The following CADM4 variants were observed in gnomAD, a reference collection of about 807,000 sequenced individuals.
CADM4 encodes TSLC1-like 2.
CADM4 carries 13 observed loss-of-function variants against 43.9 expected under a neutral mutation model. That is an observed-to-expected ratio of 0.30 (90% confidence interval 0.19 to 0.47). The LOEUF (loss-of-function observed/expected upper bound fraction) is 0.47, where lower values mean the gene tolerates loss of function less well. Ranked by LOEUF, CADM4 falls within the 20% of genes least tolerant of loss-of-function variation. The pLI is 1.00. For missense variants in CADM4, 420 were observed against 527.0 expected (o/e 0.80, Z 1.99); for synonymous variants, 209 against 220.9 (o/e 0.95, Z 0.48).
Position 43,623,980 on chromosome 19 carries a change from TC to T in CADM4, c.1057+133del, listed in dbSNP as rs1973481656. 4.5e-6 allele frequency: 5 copies of T among 1,105,844 alleles called. No homozygotes were observed. In the East Asian group the frequency reaches 9.7e-5, roughly 21 times the overall value. The allele number at this position is 1,105,844 out of a possible 1,614,324, so 68.5% of individuals were successfully genotyped here. The stretch of plus-strand genomic sequence containing the variant: ...GCCGAAAGCCCCGCCCCCTTTGTCA[TC>T]TCCGCCCCCGGTGCGGCGGGATTTG... On this transcript the variant is annotated intron_variant, in intron 8 of 8. Coordinates refer to ENST00000222374, the MANE Select transcript of CADM4 (RefSeq NM_145296.2). The surrounding 1 kb of genome is among the most constrained non-coding windows in gnomAD (Gnocchi z 4.4).
chr19:43,639,586 CGCTGCGCTTTGT>C, intron 1 of CADM4, 129 bp downstream of exon 1: 1 of 446,756 alleles, frequency 2.2e-6, no homozygotes, highest in Non-Finnish European at 2.9e-6. Flanking sequence ...TCCCGGCCCG[CGCTGCGCTTTGT>C]CCCGGGGAGG....
intron 7 of CADM4, 135 bp from the exon 8 acceptor site, chr19:43,624,377 T>A: frequency 9.5e-7 from 1 of 1,049,506 alleles, no homozygotes. Context: ...CAAAAATTAC[T>A]GCCACCTTGT....
In CADM4 at chr19:43,624,118, C is replaced by T; in HGVS notation, c.1053G>A (p.Gln351=). Residue 351 remains glutamine (Q), a synonymous_variant, in exon 8 of 9, where the codon CAG becomes CAA. Coordinates refer to ENST00000222374, the MANE Select transcript of CADM4 (RefSeq NM_145296.2). ...LVGMVWCSVR[Q]KGSYLTHEAS... ...TCCAGGCCCCGTCCCACTCACCCTT[C>T]TGCCGTACCGAGCACCAGACCATGC... 1 of 1,614,220 alleles carries T rather than the reference C, an allele frequency of 6.2e-7. No individual in the cohort carries two copies. The highest frequency in any genetic ancestry group is 8.5e-7 in the Non-Finnish European group (1 of 1,180,038).
chr19:43,635,876 GACTCAGGAGTCTAAGACCCCAGC>G (rs1973696996), intron 1 of CADM4, among the ~76,000 whole-genome samples: 1 of 110,308 alleles, frequency 9.1e-6, no homozygotes, highest in Non-Finnish European at 1.8e-5. Flanking sequence ...TCCTCCCTCA[GACTCAGGAGTCTAAGACCCCAGC>G]CCCCTCCTCC....
At position 43,623,462 on chromosome 19, in the gene CADM4, G is replaced by A; in HGVS notation, c.1058-23C>T. ...AACCTGAGGGGGTGACAGACCCCCG[G>A]GGCAGGGGGGACATATTTGTGGATC... is the stretch of plus-strand genomic sequence containing the variant. On this transcript the variant is annotated intron_variant, in intron 8 of 8. Transcript: ENST00000222374. This position sits in a 1 kb window ranked among gnomAD's most constrained non-coding sequence, Gnocchi z 4.4. 4.9e-6 allele frequency: 7 copies of A among 1,434,788 alleles called. No homozygotes were observed. Among genetic ancestry groups the A allele is most frequent in the Non-Finnish European group, 5.9e-6 (6 of 1,016,676 alleles). 88.9% of individuals were successfully genotyped at this position (1,434,788 alleles called of 1,614,324 possible).
intron 1 of CADM4, among the ~76,000 whole-genome samples, chr19:43,633,731 A>G (rs1973662159): frequency 2.0e-5 from 3 of 150,470 alleles, no homozygotes; most frequent in Admixed American, 2.0e-4. Context: ...CCCAGGCTAG[A>G]GTGCAGTGGT....
rs750998619 is a variant in CADM4, at chr19:43,626,272, C to G, written c.516G>C (p.Gln172His). Reference protein sequence around the residue: ...RKELKGVSSSQENGKVWSVAS... With the variant: ...RKELKGVSSSHENGKVWSVAS... ...CCACGCTCCAGACCTTGCCATTTTC[C>G]TGGCTGCTGCTCACTCCTGCCACAC... Residue 172 changes from glutamine (Q) to histidine (H), a missense_variant, in exon 5 of 9, where the codon CAG becomes CAC. Transcript: ENST00000222374. This position sits in a 1 kb window ranked among gnomAD's most constrained non-coding sequence, Gnocchi z 5.9. 3 of 1,611,620 alleles carry G rather than the reference C, an allele frequency of 1.9e-6. No individual in the cohort carries two copies. The highest frequency in any genetic ancestry group is 2.5e-6 in the Non-Finnish European group (3 of 1,180,000).
rs377002158 is a variant in CADM4, at chr19:43,625,238, G to T, written c.768C>A (p.Ile256=). ...AAGACTCATTCCCGCGGTTCCAGCG[G>T]ATCTGGTTTGGCCTGGGTGGGGATA... The part of the protein sequence containing the change: ...AVTGNPRPNQ[I]RWNRGNESLP... The change falls in exon 7 of 9, where the codon ATC becomes ATA. Residue 256 remains isoleucine (I), a synonymous_variant. Coordinates refer to ENST00000222374, the MANE Select transcript of CADM4 (RefSeq NM_145296.2). The surrounding 1 kb of genome is among the most constrained non-coding windows in gnomAD (Gnocchi z 4.5). 6.2e-7 allele frequency: 1 copy of T among 1,614,058 alleles called. No individual in the cohort carries two copies.
intron 1 of CADM4, among the ~76,000 whole-genome samples, chr19:43,632,348 C>T (rs1470872747): frequency 1.3e-5 from 2 of 152,188 alleles, no homozygotes; most frequent in Non-Finnish European, 2.9e-5. Context: ...AAAGCCTACT[C>T]GTGGGTCTGT....
rs1173938602 is a variant in CADM4 at position 43,627,934 on chromosome 19, T to TAGA, written c.65-147_65-145dup. 1 of 809,440 alleles carries TAGA rather than the reference T, an allele frequency of 1.2e-6. No individual in the cohort carries two copies. Among genetic ancestry groups the TAGA allele is most frequent in the Admixed American group, 2.5e-5 (1 of 39,336 alleles). The allele number at this position is 809,440 out of a possible 1,614,324, so 50.1% of individuals were successfully genotyped here. On this transcript the variant is annotated intron_variant, in intron 1 of 8. Coordinates refer to ENST00000222374, the MANE Select transcript of CADM4 (RefSeq NM_145296.2). The surrounding 1 kb of genome is among the most constrained non-coding windows in gnomAD (Gnocchi z 4.0). ...ATTGCACTGAACATTTCCTGCAGGC[T>TAGA]AGAGTCCAGGACAGGGAGGAAATCT...
chr19:43,630,355 G>A (rs1317874848), intron 1 of CADM4, among the ~76,000 whole-genome samples: 12 of 127,390 alleles, frequency 9.4e-5, no homozygotes, highest in Middle Eastern at 6.2e-3. Context: ...GTACGATCTC[G>A]GCTCACTGCA....
Position 43,639,722 on chromosome 19 carries a change from C to G in CADM4, c.64+5G>C. 1.0e-6 allele frequency: 1 copy of G among 1,004,952 alleles called. No individual in the cohort carries two copies. Among genetic ancestry groups the G allele is most frequent in the Non-Finnish European group, 1.2e-6 (1 of 842,380 alleles). The allele number at this position is 1,004,952 out of a possible 1,614,324, so 62.3% of individuals were successfully genotyped here. A position where few individuals can be genotyped will look rare whatever the true frequency, so the allele number is the denominator to read the frequency against. On this transcript the variant is annotated splice_donor_5th_base_variant and intron_variant, in intron 1 of 8. Transcript: ENST00000222374. ...CGGCCGGCCGACCCCGGCCCCCGAC[C>G]CTACCTGGCCCCGCCGCGGCCGCCC...
intron 1 of CADM4, among the ~76,000 whole-genome samples, chr19:43,628,442 A>G (rs1973566995): frequency 1.3e-5 from 2 of 151,774 alleles, no homozygotes; most frequent in African/African-American, 4.8e-5. Flanking sequence ...CTCAAAAAAA[A>G]AAAGAAAGAA....
At position 43,622,563 on chromosome 19, in the gene CADM4, T is replaced by A. The variant is rs1036975233; in HGVS notation, c.*767A>T. On this transcript the variant is annotated 3_prime_UTR_variant, in exon 9 of 9. Coordinates refer to ENST00000222374, the MANE Select transcript of CADM4 (RefSeq NM_145296.2). ...ATTTTCATACAGACTTTTGATTTTT[T>A]AATATATTATATATAAAACCATGAA... 6.6e-6 allele frequency: 1 copy of A among 152,326 alleles called. No individual in the cohort carries two copies. The highest frequency in any genetic ancestry group is 2.4e-5 in the African/African-American group (1 of 41,450). The allele number at this position is 152,326 out of a possible 1,614,324, so 9.4% of individuals were successfully genotyped here. A position where few individuals can be genotyped will look rare whatever the true frequency, so the allele number is the denominator to read the frequency against.
In CADM4 at chr19:43,626,853, T is replaced by C; in HGVS notation, c.430A>G (p.Ser144Gly). ...GGACGGGACCGCGGAACGAGGCAGC[T>C]GAGCTCCACCTCGCCGCCCTCTACC... is the stretch of plus-strand genomic sequence containing the variant. ...QAVEGGEVEL[S>G]CLVPRSRPAA... Residue 144 changes from serine to glycine, a missense_variant, in exon 4 of 9, where the codon AGC (serine) becomes GGC (glycine). Ser to Gly is a moderately conservative substitution (Grantham distance 56). Coordinates refer to ENST00000222374, the MANE Select transcript of CADM4 (RefSeq NM_145296.2). This position sits in a 1 kb window ranked among gnomAD's most constrained non-coding sequence, Gnocchi z 5.9. 1 of 1,611,234 alleles carries C rather than the reference T, an allele frequency of 6.2e-7. No individual in the cohort carries two copies. Among genetic ancestry groups the C allele is most frequent in the Admixed American group, 1.7e-5 (1 of 59,906 alleles).
At chr19:43,633,684 CTTTT>C (rs1200958737) in intron 1 of CADM4, among the ~76,000 whole-genome samples, 3 of 149,108 alleles carry the variant, frequency 2.0e-5, no homozygotes, top group Non-Finnish European at 4.5e-5. Flanking sequence ...CTCTTTCTTT[CTTTT>C]TTCTTTTTTT....
At chr19:43,628,268 AC>A (rs1973562315) in intron 1 of CADM4, among the ~76,000 whole-genome samples, 1 of 130,362 alleles carries the variant, frequency 7.7e-6, no homozygotes, top group African/African-American at 2.9e-5. Flanking sequence ...TACTAAAAAT[AC>A]AAAAAAAAAA....
rs1973512708 is a variant in CADM4, at chr19:43,625,683, C to G, written c.755+228G>C. Among the ~76,000 whole-genome samples the G allele has an allele frequency of 6.6e-6, 1 of 152,152 alleles. No individual in the cohort carries two copies. Among genetic ancestry groups the G allele is most frequent in the Non-Finnish European group, 1.5e-5 (1 of 68,020 alleles). On this transcript the variant is annotated intron_variant, in intron 6 of 8. Transcript: ENST00000222374. This position sits in a 1 kb window ranked among gnomAD's most constrained non-coding sequence, Gnocchi z 4.5. ...CTTCAGTATTGGGGAGTCTGAGCCT[C>G]CAGATTCCTCCTCCCTCAGGATCCA...
At chr19:43,637,627 G>T (rs943631505) in intron 1 of CADM4, among the ~76,000 whole-genome samples, 3 of 152,150 alleles carry the variant, frequency 2.0e-5, no homozygotes, top group African/African-American at 7.2e-5. Flanking sequence ...CAGTGACTTG[G>T]AAATCAAACG....
Sources: gnomAD v4.1 joint callset for allele counts (sites outside exome capture counted in the v4.1 genomes callset) on GRCh38, gnomAD v4.1.1 for gene constraint, Gnocchi (gnomAD v3.1) non-coding constraint, MANE v1.5 for transcripts, NCBI Gene and HGNC (gene_info 2026-07-23, HGNC 2026-07-21) for gene names.